Variants in DNAH6 observed in about 807,000 individuals in gnomAD.
DNAH6 encodes the protein dynein axonemal heavy chain 6.
Under a neutral mutation model 491.4 loss-of-function variants are expected in DNAH6, and 340 were observed. The ratio of observed to expected loss-of-function variants is 0.69; its 90% CI spans 0.63 to 0.76. DNAH6 has a LOEUF of 0.76. DNAH6 is among the 30% of genes least tolerant of loss of function. The pLI is 0.00. For synonymous variants in DNAH6, 1,603 were observed against 1,686.1 expected (o/e 0.95, Z 1.21); for missense variants, 4,443 against 4,972.2 (o/e 0.89, Z 3.20).
At chr2:84,592,175 T>A (rs2104139360) in intron 16 of DNAH6, among the ~76,000 whole-genome samples, 1 of 151,458 alleles carries the variant, frequency 6.6e-6, no homozygotes, top group East Asian at 1.9e-4. Context: ...AGGGAAAAAA[T>A]TTGCAAATTA....
chr2:84,504,804 A>G, the DNAH6 span, among the ~76,000 whole-genome samples: 1 of 152,326 alleles, frequency 6.6e-6, no homozygotes, highest in Middle Eastern at 3.4e-3. Context: ...GAGTGCTGCA[A>G]CTTTGTTTTT....
At chr2:84,704,337 C>A in intron 51 of DNAH6, 35 bp downstream of exon 51, 1 of 1,432,628 alleles carries the variant, frequency 7.0e-7, no homozygotes, top group Non-Finnish European at 9.6e-7. Flanking sequence ...GCCATGATAC[C>A]TGGTAAGAGT....
At chr2:84,747,167 T>C (rs1339474193) in intron 63 of DNAH6, among the ~76,000 whole-genome samples, 2 of 152,110 alleles carry the variant, frequency 1.3e-5, no homozygotes, top group Non-Finnish European at 2.9e-5. Flanking sequence ...CAAAATACAA[T>C]CATGCATTCC....
rs1222622021 is a variant in DNAH6 at position 84,611,812 on chromosome 2, G to A, written c.3433G>A (p.Val1145Met). The A allele has an allele frequency of 6.4e-7, 1 of 1,551,104 alleles. No homozygotes were observed. The highest frequency in any genetic ancestry group is 2.4e-5 in the East Asian group (1 of 40,898). ...DKSWKEIMRK[V>M]NRLPNALRAA... ...GTCATGGAAAGAAATCATGAGAAAGGTGAATCGGCTGCCTAATGCTCTTCG... is the reference window on the plus strand; with the variant it reads ...GTCATGGAAAGAAATCATGAGAAAGATGAATCGGCTGCCTAATGCTCTTCG... Residue 1145 changes from valine to methionine, a missense_variant, in exon 22 of 77, where the codon GTG becomes ATG. Physicochemically the swap from Val to Met is conservative, Grantham distance 21. Transcript: ENST00000389394.
intron 4 of DNAH6, among the ~76,000 whole-genome samples, chr2:84,541,716 A>G (rs1383365615): frequency 6.6e-6 from 1 of 152,370 alleles, no homozygotes; most frequent in African/African-American, 2.4e-5. Flanking sequence ...ATCAGGGGGA[A>G]AAAACATGGT....
chr2:84,585,322 C>T (rs2104059113), intron 15 of DNAH6, among the ~76,000 whole-genome samples: 1 of 152,310 alleles, frequency 6.6e-6, no homozygotes, highest in Admixed American at 6.5e-5. Flanking sequence ...TTTGGGGTGT[C>T]ATTTTTCTGG....
At position 84,619,628 on chromosome 2, in the gene DNAH6, CTG is replaced by C. The variant is rs1687211464; in HGVS notation, c.3573-55_3573-54del. 72 of 1,442,876 alleles carry C rather than the reference CTG, an allele frequency of 5.0e-5. No homozygotes were observed. In the South Asian group the frequency reaches 8.8e-4, roughly 18 times the overall value. 89.4% of individuals were successfully genotyped at this position (1,442,876 alleles called of 1,614,324 possible). A position where few individuals can be genotyped will look rare whatever the true frequency, so the allele number is the denominator to read the frequency against. On this transcript the variant is annotated intron_variant, in intron 23 of 76. Coordinates refer to ENST00000389394, the MANE Select transcript of DNAH6 (RefSeq NM_001370.2). Reference sequence around the variant, plus strand: ...TGGCTAAGGAATTTATCTTTTATGTCTGTCTAAGACTTTACTTCCATTTCAAG... The same window carrying C: ...TGGCTAAGGAATTTATCTTTTATGTCTCTAAGACTTTACTTCCATTTCAAG...
intron 21 of DNAH6, among the ~76,000 whole-genome samples, chr2:84,608,271 T>C (rs1333981578): frequency 2.0e-3 from 11 of 5,394 alleles, no homozygotes; most frequent in Non-Finnish European, 0.01. Context: ...AGTCAACTTC[T>C]TCCAAACTCC....
chr2:84,647,919 C>G (rs1256333232), intron 33 of DNAH6, among the ~76,000 whole-genome samples: 6 of 152,080 alleles, frequency 3.9e-5, no homozygotes, highest in Non-Finnish European at 8.8e-5. Context: ...ATGATGTTAA[C>G]ATTGTTTTTT....
At chr2:84,765,439 G>A (rs1382085523) in intron 64 of DNAH6, among the ~76,000 whole-genome samples, 1 of 152,056 alleles carries the variant, frequency 6.6e-6, no homozygotes, top group East Asian at 1.9e-4. Flanking sequence ...AGAAAATTAG[G>A]AAGGTTATTA....
chr2:84,505,612 G>C, the DNAH6 span, among the ~76,000 whole-genome samples: 2 of 152,016 alleles, frequency 1.3e-5, no homozygotes, highest in Admixed American at 1.3e-4. Context: ...ACAACATGCA[G>C]GTTAGTTACA....
At chr2:84,776,204 C>T (rs1476787688) in intron 64 of DNAH6, among the ~76,000 whole-genome samples, 2 of 152,160 alleles carry the variant, frequency 1.3e-5, no homozygotes, top group African/African-American at 4.8e-5. Context: ...GAATGTTGGA[C>T]TAGAAATGTC....
At position 84,634,563 on chromosome 2, in the gene DNAH6, A is replaced by G. The variant is rs1187125127; in HGVS notation, c.4575A>G (p.Glu1525=). 8 of 1,550,502 alleles carry G rather than the reference A, an allele frequency of 5.2e-6. No homozygotes were observed. Among genetic ancestry groups the G allele is most frequent in the Non-Finnish European group, 7.0e-6 (8 of 1,146,450 alleles). Residue 1525 remains glutamate, a synonymous_variant, in exon 30 of 77, where the codon GAA becomes GAG. Coordinates refer to ENST00000389394, the MANE Select transcript of DNAH6 (RefSeq NM_001370.2). ...AQSGAWCCFD[E]FNRIDIEVLS... is the part of the protein sequence containing the mutation. ...CAGGGGCCTGGTGCTGCTTTGATGA[A>G]TTTAATCGAATTGACATAGAAGTTC...
chr2:84,538,264 A>G (rs2104494108), intron 4 of DNAH6, among the ~76,000 whole-genome samples: 1 of 152,270 alleles, frequency 6.6e-6, no homozygotes, highest in South Asian at 2.1e-4. Flanking sequence ...TTTCTTCCTC[A>G]TAAACATCCC....
chr2:84,604,417 A>T lies in DNAH6; in HGVS notation c.2947A>T (p.Thr983Ser), dbSNP rs1685559932. 1.3e-6 allele frequency: 2 copies of T among 1,552,110 alleles called. No homozygotes were observed. ...AGCTATTGAACAAACAGTTGATGCC[A>T]CTCTAGTGGATGCTGAAATTCCATT... ...WAAIEQTVDA[T>S]LVDAEIPLTL... Residue 983 changes from threonine to serine, a missense_variant, in exon 19 of 77, where the codon ACT (threonine) becomes TCT (serine). Physicochemically the swap from Thr to Ser is moderately conservative, Grantham distance 58. Transcript: ENST00000389394.
At chr2:84,775,062 G>A (rs905601177) in intron 64 of DNAH6, among the ~76,000 whole-genome samples, 4 of 152,148 alleles carry the variant, frequency 2.6e-5, no homozygotes, top group Admixed American at 2.0e-4. Flanking sequence ...AGTGATGAGA[G>A]TAGGAATCCT....
At chr2:84,748,431 A>T (rs1673167070) in intron 63 of DNAH6, among the ~76,000 whole-genome samples, 1 of 152,242 alleles carries the variant, frequency 6.6e-6, no homozygotes, top group South Asian at 2.1e-4. Context: ...AACCTAGGTC[A>T]TCACTCTTAA....
the DNAH6 span, among the ~76,000 whole-genome samples, chr2:84,469,261 C>G: frequency 6.6e-6 from 1 of 152,142 alleles, no homozygotes; most frequent in African/African-American, 2.4e-5. This position sits in a 1 kb window ranked among gnomAD's most constrained non-coding sequence, Gnocchi z 4.0. Context: ...TCTGGGTTCT[C>G]TTTCCCTGAG....
chr2:84,603,000 A>G (rs1423865931), intron 18 of DNAH6, among the ~76,000 whole-genome samples: 3 of 149,900 alleles, frequency 2.0e-5, no homozygotes, highest in East Asian at 4.0e-4. Context: ...ACATTTCCCA[A>G]CTGATTTTGC....
Sources: gnomAD v4.1 joint callset for allele counts (sites outside exome capture counted in the v4.1 genomes callset) on GRCh38, gnomAD v4.1.1 for gene constraint, Gnocchi (gnomAD v3.1) non-coding constraint, MANE v1.5 for transcripts, NCBI Gene and HGNC (gene_info 2026-07-23, HGNC 2026-07-21) for gene names.